The following GSPT1 variants were observed in gnomAD, a reference collection of about 807,000 sequenced individuals.
GSPT1 encodes eukaryotic peptide chain release factor GTP-binding subunit ERF3A.
A neutral mutation model predicts 72.5 loss-of-function variants in GSPT1; 20 were observed. The observed-to-expected ratio is 0.28, with a 90% CI of 0.19 to 0.40. GSPT1 has a LOEUF of 0.40. Ranked by LOEUF, GSPT1 falls within the 10% of genes least tolerant of loss-of-function variation. The pLI is 1.00. For missense variants in GSPT1, 580 were observed against 811.9 expected (o/e 0.71, Z 3.47); for synonymous variants, 334 against 293.5 (o/e 1.14, Z -1.41).
chr16:11,892,520 A>T (rs1305236864), intron 5 of GSPT1, among the ~76,000 whole-genome samples: 3 of 138,916 alleles, frequency 2.2e-5, no homozygotes, highest in African/African-American at 9.1e-5. Context: ...AAAACAAAAA[A>T]AACAAAAAAA....
chr16:11,889,329 CTTTTTTTTTTTTTTTTTT>C (rs902991145), intron 6 of GSPT1, among the ~76,000 whole-genome samples: 4 of 60,040 alleles, frequency 6.7e-5, no homozygotes, highest in Non-Finnish European at 1.2e-4. Flanking sequence ...CCCTCTTCTT[CTTTTTTTTTTTTTTTTTT>C]TTTTTTTTTG....
At position 11,885,267 on chromosome 16, in the gene GSPT1, G is replaced by A; in HGVS notation, c.1261C>T (p.Pro421Ser). ...SDFCPWYIGL[P>S]FIPYLDNLPN... ...AAATTATCCAGATATGGAATAAACG[G>A]TAATCCACTGAGAACATAACAACAA... The change falls in exon 10 of 15, where the codon CCG becomes TCG. Residue 421 changes from proline to serine, a missense_variant. This residue lies in a region of GSPT1 where 45 missense variants were observed against 43.0 expected (regional missense o/e 1.05). Transcript: ENST00000434724. 6.6e-7 allele frequency: 1 copy of A among 1,510,106 alleles called. No individual in the cohort carries two copies. Among genetic ancestry groups the A allele is most frequent in the Non-Finnish European group, 9.2e-7 (1 of 1,085,964 alleles). 93.5% of individuals were successfully genotyped at this position (1,510,106 alleles called of 1,614,324 possible).
chr16:11,885,503 A>G (rs2054176533), intron 9 of GSPT1, among the ~76,000 whole-genome samples: 1 of 152,244 alleles, frequency 6.6e-6, no homozygotes, highest in Admixed American at 6.5e-5. Flanking sequence ...AATATTTTAT[A>G]GCAAATAGCC....
chr16:11,911,299 T>C (rs1417388111), intron 1 of GSPT1, among the ~76,000 whole-genome samples: 1 of 152,210 alleles, frequency 6.6e-6, no homozygotes, highest in Non-Finnish European at 1.5e-5. Flanking sequence ...TGTTCCAGCT[T>C]AAAACTGAGA....
At chr16:11,913,443 A>G (rs1207274470) in intron 1 of GSPT1, among the ~76,000 whole-genome samples, 1 of 152,214 alleles carries the variant, frequency 6.6e-6, no homozygotes, top group Admixed American at 6.5e-5. Flanking sequence ...CGCATCTCCA[A>G]TTTCTAGCAC....
chr16:11,904,138 G>T, intron 1 of GSPT1: 1 of 223,982 alleles, frequency 4.5e-6, no homozygotes. Context: ...CGGGAGCCAT[G>T]GTAGTTACTG....
At chr16:11,897,767 C>T in intron 3 of GSPT1, 73 bp downstream of exon 3, 1 of 767,438 alleles carries the variant, frequency 1.3e-6, no homozygotes, top group East Asian at 2.7e-5. Flanking sequence ...TCGTAACTTA[C>T]ATAATGCACC....
intron 1 of GSPT1, among the ~76,000 whole-genome samples, chr16:11,898,839 A>C (rs1362055792): frequency 1.3e-5 from 2 of 152,194 alleles, no homozygotes; most frequent in Non-Finnish European, 2.9e-5. Context: ...ATGTGTATAA[A>C]GTCCTGAAAC....
intron 1 of GSPT1, chr16:11,914,982 C>T: frequency 7.8e-7 from 1 of 1,285,562 alleles, no homozygotes; most frequent in East Asian, 5.6e-5. Flanking sequence ...GATCTCTAAA[C>T]GCCCACCCAA....
intron 6 of GSPT1, among the ~76,000 whole-genome samples, chr16:11,888,743 A>G (rs893192734): frequency 2.6e-5 from 4 of 152,144 alleles, no homozygotes; most frequent in Admixed American, 1.3e-4. Context: ...GCCTGGTGAC[A>G]CAGTGAGACT....
In GSPT1 at chr16:11,897,883, TAGACA is replaced by T. The variant is rs2054359612; in HGVS notation, c.395-7_395-3del. The T allele has an allele frequency of 6.5e-7, 1 of 1,539,316 alleles. No individual in the cohort carries two copies. The highest frequency in any genetic ancestry group is 1.8e-4 in the Middle Eastern group (1 of 5,666). Reference sequence around the variant, plus strand: ...CCATGCTAACAGCTGAATTTGAACCTAGACAAGAGATTGAAATATAATATATATTT... The same window carrying T: ...CCATGCTAACAGCTGAATTTGAACCTAGAGATTGAAATATAATATATATTT... On this transcript the variant is annotated splice_region_variant and splice_polypyrimidine_tract_variant and intron_variant, in intron 2 of 14. Coordinates refer to ENST00000434724, the MANE Select transcript of GSPT1 (RefSeq NM_002094.4).
chr16:11,897,917 A>C (rs1405534380), intron 2 of GSPT1, 36 bp from the exon 3 acceptor site: 2 of 1,459,990 alleles, frequency 1.4e-6, no homozygotes, highest in Admixed American at 1.9e-5. Context: ...TATATTTACC[A>C]AACAGTATCT....
In GSPT1 at chr16:11,889,391, G is replaced by A. The variant is rs1290916541; in HGVS notation, c.777-1641C>T. 7.5e-5 allele frequency among the ~76,000 whole-genome samples: 10 copies of A among 132,576 alleles called. No individual in the cohort carries two copies. The Admixed American group carries it at 8.4e-4, about 11-fold the overall frequency. 87.0% of individuals were successfully genotyped at this position (132,576 alleles called of 152,430 possible). A position where few individuals can be genotyped will look rare whatever the true frequency, so the allele number is the denominator to read the frequency against. ...AGTCTTGCTCTGGCCAGGTTGGAGTGCAGTGGCACCATCTCGGCTCACTGC... is the reference window on the plus strand; with the variant it reads ...AGTCTTGCTCTGGCCAGGTTGGAGTACAGTGGCACCATCTCGGCTCACTGC... On this transcript the variant is annotated intron_variant, in intron 6 of 14. Coordinates refer to ENST00000434724, the MANE Select transcript of GSPT1 (RefSeq NM_002094.4).
At chr16:11,892,270 G>T (rs1325867725) in intron 5 of GSPT1, among the ~76,000 whole-genome samples, 1 of 151,466 alleles carries the variant, frequency 6.6e-6, no homozygotes, top group Non-Finnish European at 1.5e-5. Flanking sequence ...CTGAGCCCAG[G>T]AGTGTGAGGT....
chr16:11,905,637 C>A (rs1045535923), intron 1 of GSPT1, among the ~76,000 whole-genome samples: 2 of 152,126 alleles, frequency 1.3e-5, no homozygotes, highest in Non-Finnish European at 2.9e-5. Flanking sequence ...GAATTTGAGA[C>A]CAGCCTGGCC....
At chr16:11,874,282 A>G (rs938818895) in intron 14 of GSPT1, among the ~76,000 whole-genome samples, 1 of 152,042 alleles carries the variant, frequency 6.6e-6, no homozygotes, top group Non-Finnish European at 1.5e-5. Flanking sequence ...ATTGTATCTC[A>G]ATAAAGCTGC....
chr16:11,878,343 C>G (rs2054073521), intron 11 of GSPT1, among the ~76,000 whole-genome samples: 1 of 152,108 alleles, frequency 6.6e-6, no homozygotes, highest in Non-Finnish European at 1.5e-5. Flanking sequence ...TCTCAAACTC[C>G]TGACCTCAGG....
rs560195630 is a variant in GSPT1, at chr16:11,887,636, G to A, written c.891C>T (p.Ala297=). 1 of 1,613,726 alleles carries A rather than the reference G, an allele frequency of 6.2e-7. No homozygotes were observed. Among genetic ancestry groups the A allele is most frequent in the East Asian group, 2.2e-5 (1 of 44,882 alleles). Residue 297 remains alanine (A), a synonymous_variant, in exon 7 of 15, where the codon GCC becomes GCT. Coordinates refer to ENST00000434724, the MANE Select transcript of GSPT1 (RefSeq NM_002094.4). The stretch of plus-strand genomic sequence containing the variant: ...TTGGGACAAAACTCTTGTGGCCAGG[G>A]GCATCTAGAATTGTGAAATGCTTCT... ...TEKKHFTILD[A]PGHKSFVPNM...
Position 11,897,824 on chromosome 16 carries a change from T to C in GSPT1, c.436+16A>G. The C allele has an allele frequency of 7.3e-7, 1 of 1,377,806 alleles. No homozygotes were observed. The highest frequency in any genetic ancestry group is 1.0e-6 in the Non-Finnish European group (1 of 985,106). 85.3% of individuals were successfully genotyped at this position (1,377,806 alleles called of 1,614,324 possible). On this transcript the variant is annotated intron_variant, in intron 3 of 14. Coordinates refer to ENST00000434724, the MANE Select transcript of GSPT1 (RefSeq NM_002094.4). ...GTTTCATATTACTGTATTAATATGG[T>C]CAGAAATTTTCTTACCAATAGGTTC...
Sources: gnomAD v4.1 joint callset for allele counts (sites outside exome capture counted in the v4.1 genomes callset) on GRCh38, gnomAD v4.1.1 for gene constraint, gnomAD v4.1.1 regional missense constraint, MANE v1.5 for transcripts, NCBI Gene and HGNC (gene_info 2026-07-23, HGNC 2026-07-21) for gene names.